Variants in CPED1 observed in about 807,000 individuals in gnomAD.
CPED1 encodes cadherin-like and PC-esterase domain-containing protein 1.
In CPED1, 114 loss-of-function variants were observed where a neutral mutation model predicts 128.2. That is an observed-to-expected ratio of 0.89 (90% CI 0.76 to 1.04). CPED1 has a LOEUF of 1.04. Among genes scored for constraint, CPED1 ranks in the 50% least tolerant of loss-of-function variants. The pLI is 0.00. For synonymous variants in CPED1, 462 were observed against 426.7 expected (o/e 1.08, Z -1.02); for missense variants, 1,211 against 1,207.1 (o/e 1.00, Z -0.05).
At chr7:121,215,922 ATAATAT>A (rs780259359) in intron 16 of CPED1, among the ~76,000 whole-genome samples, 6 of 151,946 alleles carry the variant, frequency 3.9e-5, no homozygotes, top group Non-Finnish European at 7.4e-5. Flanking sequence ...AATGGCAATA[ATAATAT>A]TAATAATAGT....
intron 3 of CPED1, among the ~76,000 whole-genome samples, chr7:121,037,704 T>C (rs376687882): frequency 6.6e-6 from 1 of 152,142 alleles, no homozygotes; most frequent in African/African-American, 2.4e-5. Context: ...GGAATTGCAT[T>C]GAGTTTGTAG....
intron 7 of CPED1, among the ~76,000 whole-genome samples, chr7:121,108,358 G>A (rs1343448812): frequency 6.6e-6 from 1 of 152,026 alleles, no homozygotes; most frequent in Non-Finnish European, 1.5e-5. Flanking sequence ...AATGATTTCA[G>A]CATTTGCCAG....
At chr7:121,034,223 T>C (rs1792819657) in intron 3 of CPED1, among the ~76,000 whole-genome samples, 2 of 150,460 alleles carry the variant, frequency 1.3e-5, no homozygotes, top group Non-Finnish European at 3.0e-5. Context: ...GGCATTATTA[T>C]AGCCAGACAT....
chr7:121,040,301 C>A (rs1425542515), intron 3 of CPED1, among the ~76,000 whole-genome samples: 2 of 152,080 alleles, frequency 1.3e-5, no homozygotes, highest in Non-Finnish European at 2.9e-5. Context: ...CAGTAAACAT[C>A]TACTAAGTGT....
intron 18 of CPED1, among the ~76,000 whole-genome samples, chr7:121,252,341 G>C (rs1798692875): frequency 6.6e-6 from 1 of 152,144 alleles, no homozygotes; most frequent in Non-Finnish European, 1.5e-5. Flanking sequence ...TTACATGTTA[G>C]ACCTAAAACC....
chr7:121,036,358 G>A (rs896226854), intron 3 of CPED1, among the ~76,000 whole-genome samples: 3 of 151,894 alleles, frequency 2.0e-5, no homozygotes, highest in African/African-American at 7.3e-5. Context: ...ACATAATACT[G>A]AGAACATATG....
intron 2 of CPED1, among the ~76,000 whole-genome samples, chr7:121,012,138 C>A (rs1792175637): frequency 6.6e-6 from 1 of 152,176 alleles, no homozygotes; most frequent in Non-Finnish European, 1.5e-5. Flanking sequence ...GATTCCCAAT[C>A]TTCTCTTTTT....
At chr7:121,086,129 A>G (rs1304025864) in intron 5 of CPED1, among the ~76,000 whole-genome samples, 1 of 152,202 alleles carries the variant, frequency 6.6e-6, no homozygotes, top group Non-Finnish European at 1.5e-5. Context: ...CTGTTTCTAC[A>G]TTCCTTCCCT....
At chr7:121,218,290 C>G (rs1205345639) in intron 16 of CPED1, among the ~76,000 whole-genome samples, 1 of 151,748 alleles carries the variant, frequency 6.6e-6, no homozygotes. Context: ...ATCGCAATTA[C>G]TTTTACACCC....
intron 16 of CPED1, among the ~76,000 whole-genome samples, chr7:121,179,214 C>T (rs182683070): frequency 2.6e-5 from 4 of 152,030 alleles, no homozygotes; most frequent in East Asian, 3.9e-4. Context: ...ATGAACTGTT[C>T]CCCTAGAATG....
chr7:121,283,052 A>AAAAT (rs1792493791), intron 22 of CPED1, among the ~76,000 whole-genome samples: 1 of 152,212 alleles, frequency 6.6e-6, no homozygotes. Flanking sequence ...ATAACAATTA[A>AAAAT]AAATAAGTAT....
At chr7:121,122,941 T>G (rs1057213578) in intron 7 of CPED1, among the ~76,000 whole-genome samples, 3 of 152,152 alleles carry the variant, frequency 2.0e-5, no homozygotes, top group African/African-American at 7.2e-5. Flanking sequence ...CTCTGTGATA[T>G]TCAGGTAACA....
At chr7:121,283,368 G>A (rs566588432) in intron 22 of CPED1, among the ~76,000 whole-genome samples, 5 of 152,252 alleles carry the variant, frequency 3.3e-5, no homozygotes, top group African/African-American at 9.6e-5. Flanking sequence ...TTGCCATCAA[G>A]TTCTAGAAAG....
rs17143137 is a variant in CPED1 at position 121,069,933 on chromosome 7, C to G, written c.616+5620C>G. On this transcript the variant is annotated intron_variant, in intron 5 of 22. Coordinates refer to ENST00000310396, the MANE Select transcript of CPED1 (RefSeq NM_024913.5). ...AATTTTTGGCCATAACTCATTCATT[C>G]CAGTAGTTTTATCTTAGCTCTGAGC... Among the ~76,000 whole-genome samples the G allele has an allele frequency of 5.4e-3, 822 of 152,032 alleles. 7 individuals are homozygous for G. Among genetic ancestry groups the G allele is most frequent in the African/African-American group, 0.019 (776 of 41,490 alleles).
intron 15 of CPED1, among the ~76,000 whole-genome samples, chr7:121,141,730 T>C (rs1460845275): frequency 6.6e-6 from 1 of 152,068 alleles, no homozygotes; most frequent in Non-Finnish European, 1.5e-5. Flanking sequence ...TTAATAAATA[T>C]TAGTTTCCTT....
intron 22 of CPED1, among the ~76,000 whole-genome samples, chr7:121,276,520 C>T (rs1390981308): frequency 6.6e-6 from 1 of 152,092 alleles, no homozygotes; most frequent in Non-Finnish European, 1.5e-5. Flanking sequence ...ACATTGCAAT[C>T]AGGGTCAGTC....
chr7:121,198,416 A>G (rs1044325750), intron 16 of CPED1, among the ~76,000 whole-genome samples: 17 of 152,112 alleles, frequency 1.1e-4, no homozygotes, highest in African/African-American at 4.8e-5. Context: ...AGATGAGTAA[A>G]TCAGATCCAT....
At chr7:121,135,826 CTT>C (rs1311244658) in intron 13 of CPED1, among the ~76,000 whole-genome samples, 1 of 151,880 alleles carries the variant, frequency 6.6e-6, no homozygotes, top group Non-Finnish European at 1.5e-5. Flanking sequence ...CATTTTCTCT[CTT>C]AATATTTTTC....
intron 3 of CPED1, among the ~76,000 whole-genome samples, chr7:121,040,986 G>A (rs962598392): frequency 6.6e-6 from 1 of 151,950 alleles, no homozygotes; most frequent in African/African-American, 2.4e-5. Context: ...TAAAGCACTG[G>A]AATCTCCCAT....
Sources: gnomAD v4.1 joint callset for allele counts (sites outside exome capture counted in the v4.1 genomes callset) on GRCh38, gnomAD v4.1.1 for gene constraint, MANE v1.5 for transcripts, NCBI Gene and HGNC (gene_info 2026-07-23, HGNC 2026-07-21) for gene names.